BEND7: variants seen among roughly 807,000 people sequenced by gnomAD.
The protein encoded by BEND7 is BEN domain containing 7, also known as BEN domain-containing protein 7.
In BEND7, 28 loss-of-function variants were observed where a neutral mutation model predicts 50.9. The ratio of observed to expected loss-of-function variants is 0.55; its 90% CI spans 0.41 to 0.75. The LOEUF is 0.75. Among genes scored for constraint, BEND7 ranks in the 30% least tolerant of loss-of-function variants. The pLI, the probability that BEND7 is intolerant of heterozygous loss-of-function variation, is 0.00. For missense variants in BEND7, 477 were observed against 491.3 expected (o/e 0.97, Z 0.28); for synonymous variants, 170 against 183.9 (o/e 0.92, Z 0.61).
At chr10:13,493,702 T>C (rs1341082740) in intron 4 of BEND7, among the ~76,000 whole-genome samples, 2 of 152,210 alleles carry the variant, frequency 1.3e-5, no homozygotes, top group Non-Finnish European at 2.9e-5. Context: ...TAAATTACAG[T>C]TCTCACAGGT....
intron 2 of BEND7, among the ~76,000 whole-genome samples, chr10:13,508,098 G>A (rs952440635): frequency 5.3e-5 from 8 of 152,184 alleles, no homozygotes; most frequent in Admixed American, 5.2e-4. Context: ...CTCCACAAGT[G>A]AGCTGAAAGA....
chr10:13,439,260 G>A, downstream of BEND7: 5 of 1,614,222 alleles, frequency 3.1e-6, no homozygotes, highest in South Asian at 2.2e-5. Flanking sequence ...ATGATGAAGT[G>A]TAGCTGAGAC....
At chr10:13,443,740 TG>T (rs1835713529) in intron 8 of BEND7, 1 of 152,166 alleles carries the variant, frequency 6.6e-6, no homozygotes, top group South Asian at 2.1e-4. Context: ...ATTAAAATAA[TG>T]CATATGAAGA....
intron 6 of BEND7, among the ~76,000 whole-genome samples, chr10:13,477,524 C>T (rs533870824): frequency 2.7e-4 from 41 of 152,194 alleles, no homozygotes; most frequent in African/African-American, 9.6e-4. Context: ...CAAAAAAGAC[C>T]TTAAATTAAT....
chr10:13,492,904 C>G (rs1279787360), intron 4 of BEND7, 28 bp from the exon 5 acceptor site: 1 of 1,582,124 alleles, frequency 6.3e-7, no homozygotes, highest in African/African-American at 1.4e-5. Flanking sequence ...AAATATGGTA[C>G]AGGCACGTGT....
chr10:13,472,865 G>A (rs564351594), intron 6 of BEND7, among the ~76,000 whole-genome samples: 4 of 150,482 alleles, frequency 2.7e-5, no homozygotes, highest in African/African-American at 9.8e-5. Context: ...ACTCGGGGTC[G>A]ATACCCATCA....
chr10:13,526,101 A>G (rs1372028110), intron 2 of BEND7, 37 bp downstream of exon 2: 1 of 1,118,688 alleles, frequency 8.9e-7, no homozygotes, highest in African/African-American at 1.6e-5. Flanking sequence ...AATGGTCACG[A>G]TGTTTTGCTG....
At chr10:13,523,838 T>G (rs2079247080) in intron 2 of BEND7, among the ~76,000 whole-genome samples, 2 of 152,204 alleles carry the variant, frequency 1.3e-5, no homozygotes, top group Admixed American at 6.5e-5. Flanking sequence ...TTAACTGACC[T>G]AGAGATCACA....
At chr10:13,452,691 T>C (rs77839059) in intron 6 of BEND7, 33 bp from the exon 7 acceptor site, 26 of 1,532,288 alleles carry the variant, frequency 1.7e-5, no homozygotes, top group African/African-American at 2.8e-5. Context: ...GTTAAATACC[T>C]TAACAAGTAA....
At chr10:13,446,961 C>T (rs1588620332) in intron 8 of BEND7, 2 of 373,202 alleles carry the variant, frequency 5.4e-6, no homozygotes, top group East Asian at 1.3e-4. Context: ...TCTCATTTCA[C>T]GTTAAAAATA....
In BEND7 at chr10:13,498,435, T is replaced by C. The variant is rs147887872; in HGVS notation, c.448+1343A>G. On this transcript the variant is annotated intron_variant, in intron 3 of 8. Transcript: ENST00000466271. ...CAAACTGATATGGGGGAATTTATGT[T>C]TGTAACTTTTACTAACTTCATACTT... Among the ~76,000 whole-genome samples the C allele has an allele frequency of 5.3e-5, 8 of 152,336 alleles. 1 individual carries two copies. Among genetic ancestry groups the C allele is most frequent in the Middle Eastern group, 3.4e-3 (1 of 294 alleles).
intron 6 of BEND7, among the ~76,000 whole-genome samples, chr10:13,473,562 T>TAGGCTC (rs2075120650): frequency 6.8e-6 from 1 of 146,936 alleles, no homozygotes; most frequent in Non-Finnish European, 1.5e-5. Context: ...TCATCACTGT[T>TAGGCTC]AGGGCCAATA....
intron 1 of BEND7, 98 bp from the exon 2 acceptor site, chr10:13,526,319 CTATAATT>C (rs1465503167): frequency 5.8e-6 from 2 of 342,198 alleles, no homozygotes; most frequent in African/African-American, 4.4e-5. Context: ...TTTGTATACT[CTATAATT>C]TATAAATAAA....
chr10:13,459,758 G>A (rs955461491), intron 6 of BEND7: 1 of 152,254 alleles, frequency 6.6e-6, no homozygotes, highest in Non-Finnish European at 1.5e-5. Context: ...ATGCAGAGGT[G>A]AAGGATTCTC....
At chr10:13,449,035 A>G (rs890515081) in intron 7 of BEND7, among the ~76,000 whole-genome samples, 2 of 151,994 alleles carry the variant, frequency 1.3e-5, no homozygotes, top group Admixed American at 1.3e-4. Context: ...TATTCAAACC[A>G]TGGGATAAAT....
chr10:13,471,332 G>A (rs1217595791), intron 6 of BEND7, among the ~76,000 whole-genome samples: 4 of 152,204 alleles, frequency 2.6e-5, no homozygotes, highest in Non-Finnish European at 5.9e-5. Flanking sequence ...AAAGATTCTG[G>A]TGTTCTCATG....
chr10:13,492,664 C>A lies in BEND7; in HGVS notation c.784G>T (p.Glu262Ter). Residue 262 changes from glutamate to a stop codon, truncating the protein, a stop_gained, in exon 5 of 9, where the codon GAG becomes TAG. Transcript: ENST00000466271. LOFTEE classifies it high-confidence loss of function. ...ALQAAEHTSPEESRVLGFGIV... is the reference protein window; with the variant it reads ...ALQAAEHTSP ...CCGAATCCTAGAACGCGGCTCTCCT[C>A]CGGGGAGGTGTGCTCGGCTGCCTGG... 6.2e-7 allele frequency: 1 copy of A among 1,614,138 alleles called. No homozygotes were observed. Among genetic ancestry groups the A allele is most frequent in the Non-Finnish European group, 8.5e-7 (1 of 1,180,032 alleles).
chr10:13,497,428 TG>T, intron 3 of BEND7, among the ~76,000 whole-genome samples: 1 of 152,302 alleles, frequency 6.6e-6, no homozygotes, highest in African/African-American at 2.4e-5. Flanking sequence ...GTGTGGCGTT[TG>T]GGGTGGGGAA....
At chr10:13,453,281 A>G (rs528140747) in intron 6 of BEND7, among the ~76,000 whole-genome samples, 21 of 152,312 alleles carry the variant, frequency 1.4e-4, no homozygotes, top group Admixed American at 1.3e-3. Flanking sequence ...TGGGAGGGCT[A>G]TGCACAGTGT....
Sources: allele counts gnomAD v4.1 joint callset (sites outside exome capture counted in the v4.1 genomes callset), GRCh38; gene constraint gnomAD v4.1.1; transcripts MANE v1.5; gene names NCBI Gene and HGNC (gene_info 2026-07-23, HGNC 2026-07-21).